The following DCAF17 variants were observed in gnomAD, a reference collection of about 807,000 sequenced individuals.
DCAF17 encodes the protein DDB1 and CUL4 associated factor 17.
In DCAF17, 48 loss-of-function variants were observed where a neutral mutation model predicts 66.0. That is an observed-to-expected ratio of 0.73 (90% CI 0.58 to 0.92). The LOEUF is 0.92. Ranked by LOEUF, DCAF17 falls within the 40% of genes least tolerant of loss-of-function variation. The probability of loss-of-function intolerance (pLI) is 0.00; values close to 1 mark genes in which losing one functional copy is unlikely to be tolerated. For synonymous variants in DCAF17, 206 were observed against 214.6 expected (o/e 0.96, Z 0.35); for missense variants, 562 against 622.8 (o/e 0.90, Z 1.04).
At chr2:171,445,737 C>T (rs562904612) in intron 3 of DCAF17, among the ~76,000 whole-genome samples, 1 of 152,064 alleles carries the variant, frequency 6.6e-6, no homozygotes, top group African/African-American at 2.4e-5. Context: ...AGCTGGAGTC[C>T]AGTGGCACAA....
At chr2:171,441,133 C>T (rs1694285303) in intron 2 of DCAF17, among the ~76,000 whole-genome samples, 1 of 152,196 alleles carries the variant, frequency 6.6e-6, no homozygotes, top group South Asian at 2.1e-4. Flanking sequence ...ACAAACTCCA[C>T]AGATTTTGTT....
In DCAF17 at chr2:171,478,044, C is replaced by T; in HGVS notation, c.1240C>T (p.Leu414Phe). The T allele has an allele frequency of 6.2e-7, 1 of 1,613,824 alleles. No homozygotes were observed. Among genetic ancestry groups the T allele is most frequent in the Non-Finnish European group, 8.5e-7 (1 of 1,179,906 alleles). Reference protein sequence around the residue: ...SGRVVKKSFNLLDDDPEQETF... With the variant: ...SGRVVKKSFNFLDDDPEQETF... ...ACGGGTGGTAAAAAAAAGTTTTAAC[C>T]TTCTGGATGATGACCCAGAACAAGA... is the stretch of plus-strand genomic sequence containing the variant. The change falls in exon 12 of 14, where the codon CTT (leucine) becomes TTT (phenylalanine). Residue 414 changes from leucine to phenylalanine, a missense_variant. Coordinates refer to ENST00000375255, the MANE Select transcript of DCAF17 (RefSeq NM_025000.4).
intron 9 of DCAF17, among the ~76,000 whole-genome samples, chr2:171,471,906 T>C (rs1414186969): frequency 6.6e-6 from 1 of 151,870 alleles, no homozygotes; most frequent in Non-Finnish European, 1.5e-5. Context: ...TCCCAGCTAC[T>C]TGGGAGGCTG....
At chr2:171,439,511 C>CTTT (rs374646610) in intron 2 of DCAF17, among the ~76,000 whole-genome samples, 1 of 94,768 alleles carries the variant, frequency 1.1e-5, no homozygotes, top group African/African-American at 4.1e-5. Context: ...CTTTTTTTTC[C>CTTT]TTTTTTTTTT....
intron 5 of DCAF17, 121 bp from the exon 6 acceptor site, chr2:171,453,003 C>T: frequency 1.7e-6 from 1 of 605,540 alleles, no homozygotes; most frequent in Non-Finnish European, 2.7e-6. Flanking sequence ...TGGTTGTTTT[C>T]ATAATATGAA....
chr2:171,480,907 A>G (rs564361141), intron 13 of DCAF17, 67 bp from the exon 14 acceptor site: 5 of 1,599,260 alleles, frequency 3.1e-6, no homozygotes, highest in African/African-American at 2.7e-5. Context: ...GTACTGTGAC[A>G]TTTTAGTAAC....
At chr2:171,435,315 T>A in intron 2 of DCAF17, 129 bp downstream of exon 2, 1 of 719,912 alleles carries the variant, frequency 1.4e-6, no homozygotes, top group Middle Eastern at 3.1e-4. Context: ...GAAATAAGAC[T>A]AGGCAGTAAA....
intron 2 of DCAF17, among the ~76,000 whole-genome samples, chr2:171,437,446 T>G (rs1245411860): frequency 6.6e-6 from 1 of 152,258 alleles, no homozygotes. Flanking sequence ...TCCACTGATC[T>G]GTATGTCTGT....
Position 171,476,859 on chromosome 2 carries a change from G to A in DCAF17, c.1092-1G>A. ...TCTCAGAATCCTTTTTCCCTTCTCA[G>A]AGTTTTGAAGCTAACTGAAATAGAA... On this transcript the variant is annotated splice_acceptor_variant, in intron 10 of 13. Transcript: ENST00000375255. LOFTEE classifies it high-confidence loss of function. 6.2e-7 allele frequency: 1 copy of A among 1,611,960 alleles called. No homozygotes were observed. Among genetic ancestry groups the A allele is most frequent in the Non-Finnish European group, 8.5e-7 (1 of 1,178,314 alleles).
intron 11 of DCAF17, among the ~76,000 whole-genome samples, chr2:171,477,717 G>A (rs1696561813): frequency 6.6e-6 from 1 of 151,930 alleles, no homozygotes; most frequent in African/African-American, 2.4e-5. Context: ...ACTTGAGCCT[G>A]GGAGGCAGAG....
At chr2:171,440,014 T>G (rs1694214471) in intron 2 of DCAF17, among the ~76,000 whole-genome samples, 1 of 152,152 alleles carries the variant, frequency 6.6e-6, no homozygotes, top group Non-Finnish European at 1.5e-5. Flanking sequence ...GCAGTGGCTT[T>G]TCACAGGTAT....
chr2:171,443,288 A>G, intron 2 of DCAF17: 1 of 392,842 alleles, frequency 2.5e-6, no homozygotes, highest in South Asian at 3.2e-5. Flanking sequence ...GAAATGAACC[A>G]AAATGTTAAT....
At chr2:171,479,049 A>G (rs1392095045) in intron 12 of DCAF17, among the ~76,000 whole-genome samples, 1 of 152,228 alleles carries the variant, frequency 6.6e-6, no homozygotes, top group African/African-American at 2.4e-5. Flanking sequence ...ATAAAATCAC[A>G]GACACCAAGG....
chr2:171,478,121 T>C, intron 12 of DCAF17, 51 bp downstream of exon 12: 1 of 1,484,324 alleles, frequency 6.7e-7, no homozygotes, highest in Non-Finnish European at 9.4e-7. Context: ...CCTTGCATTG[T>C]GAATTTCATA....
intron 10 of DCAF17, among the ~76,000 whole-genome samples, chr2:171,474,766 T>C (rs925496593): frequency 1.3e-5 from 2 of 152,222 alleles, no homozygotes; most frequent in African/African-American, 4.8e-5. Flanking sequence ...CTCTCATACA[T>C]ACACACCATA....
In DCAF17 at chr2:171,434,552, C is replaced by A; in HGVS notation, c.-26C>A. The A allele has an allele frequency of 6.6e-7, 1 of 1,524,832 alleles. No individual in the cohort carries two copies. The highest frequency in any genetic ancestry group is 8.8e-7 in the Non-Finnish European group (1 of 1,141,324). 94.5% of individuals were successfully genotyped at this position (1,524,832 alleles called of 1,614,324 possible). On this transcript the variant is annotated 5_prime_UTR_variant, in exon 1 of 14. Transcript: ENST00000375255. ...GGGGCGCGCCACTCGGCGGCCCAGC[C>A]TACCCAGGGCCCGGCCCGCGCCTCC...
At position 171,483,942 on chromosome 2, in the gene DCAF17, AT is replaced by A. The variant is rs1340807150; in HGVS notation, c.*2831del. The A allele has an allele frequency of 2.6e-5, 12 of 453,988 alleles. No individual in the cohort carries two copies. The highest frequency in any genetic ancestry group is 4.9e-5 in the Non-Finnish European group (11 of 226,800). 28.1% of individuals were successfully genotyped at this position (453,988 alleles called of 1,614,324 possible). A position where few individuals can be genotyped will look rare whatever the true frequency, so the allele number is the denominator to read the frequency against. Reference sequence around the variant, plus strand: ...AGGCAAGGCATGTTATTTTATCCCAATTTAGCATACCAACAACTATAATACT... The same window carrying A: ...AGGCAAGGCATGTTATTTTATCCCAATTAGCATACCAACAACTATAATACT... On this transcript the variant is annotated 3_prime_UTR_variant, in exon 14 of 14. Coordinates refer to ENST00000375255, the MANE Select transcript of DCAF17 (RefSeq NM_025000.4).
chr2:171,442,760 G>A (rs1694378661), intron 2 of DCAF17, among the ~76,000 whole-genome samples: 1 of 150,734 alleles, frequency 6.6e-6, no homozygotes, highest in East Asian at 2.0e-4. Context: ...TGAGCTTGTA[G>A]TCCCAGTTAC....
intron 9 of DCAF17, among the ~76,000 whole-genome samples, chr2:171,470,046 C>T (rs983496221): frequency 3.3e-5 from 5 of 152,182 alleles, no homozygotes; most frequent in African/African-American, 1.2e-4. Flanking sequence ...TATTTAGAGA[C>T]AGAGTCTCAC....
Sources: allele counts gnomAD v4.1 joint callset (sites outside exome capture counted in the v4.1 genomes callset), GRCh38; gene constraint gnomAD v4.1.1; transcripts MANE v1.5; gene names NCBI Gene and HGNC (gene_info 2026-07-23, HGNC 2026-07-21).